Variants in FNDC3B observed in about 807,000 individuals in gnomAD.
FNDC3B encodes the protein fibronectin type III domain containing 3B.
In FNDC3B, 12 loss-of-function variants were observed where a neutral mutation model predicts 151.5. The ratio of observed to expected loss-of-function variants is 0.08; its 90% CI spans 0.05 to 0.13. The LOEUF (loss-of-function observed/expected upper bound fraction) is 0.13, where lower values mean the gene tolerates loss of function less well. FNDC3B is among the 10% of genes least tolerant of loss of function. FNDC3B has a pLI of 1.00. For missense variants in FNDC3B, 1,214 were observed against 1,505.3 expected, an observed-to-expected ratio of 0.81 and a Z score of 3.20; for synonymous variants, 528 against 549.0, an observed-to-expected ratio of 0.96 and a Z score of 0.54.
At chr3:172,145,302 A>C (rs186826228) in intron 3 of FNDC3B, among the ~76,000 whole-genome samples, 26 of 152,298 alleles carry the variant, frequency 1.7e-4, no homozygotes, top group Non-Finnish European at 3.2e-4. Flanking sequence ...AGTCTTTGGG[A>C]GTAAAAAAAA....
chr3:172,229,490 A>G lies in FNDC3B; in HGVS notation c.264+2543A>G, dbSNP rs528971373. Among the ~76,000 whole-genome samples the G allele has an allele frequency of 3.6e-4, 55 of 152,190 alleles. 1 individual carries two copies. The South Asian group carries it at 6.4e-3, about 18-fold the overall frequency. On this transcript the variant is annotated intron_variant, in intron 4 of 25. Transcript: ENST00000415807. ...CTCTAGAGCCTTTCATTGACAATTCACTTGTTCTTTTTGGTGCCCCTCCTC... is the reference window on the plus strand; with the variant it reads ...CTCTAGAGCCTTTCATTGACAATTCGCTTGTTCTTTTTGGTGCCCCTCCTC...
intron 25 of FNDC3B, among the ~76,000 whole-genome samples, chr3:172,391,140 CTT>C (rs1735988245): frequency 1.3e-5 from 2 of 152,276 alleles, no homozygotes; most frequent in South Asian, 4.1e-4. Context: ...TGCTAAGAGA[CTT>C]TAAGAAATTA....
intron 16 of FNDC3B, chr3:172,337,994 G>A (rs1733075847): frequency 6.6e-6 from 1 of 152,468 alleles, no homozygotes; most frequent in South Asian, 2.1e-4. Flanking sequence ...GATAAATTTG[G>A]TATTTTCATC....
intron 1 of FNDC3B, among the ~76,000 whole-genome samples, chr3:172,073,753 T>C (rs545611449): frequency 1.1e-4 from 16 of 152,304 alleles, no homozygotes; most frequent in African/African-American, 3.8e-4. Flanking sequence ...ATATGGTATA[T>C]TCTGTAGTTA....
At chr3:172,064,471 T>C (rs1027937468) in intron 1 of FNDC3B, among the ~76,000 whole-genome samples, 1 of 152,256 alleles carries the variant, frequency 6.6e-6, no homozygotes, top group Non-Finnish European at 1.5e-5. Context: ...TACTCATCTT[T>C]TATTCATCTG....
At chr3:172,155,977 A>T (rs6790787) in intron 3 of FNDC3B, among the ~76,000 whole-genome samples, 107,853 of 152,094 alleles carry the variant, frequency 0.71, 39,292 homozygotes, top group Non-Finnish European at 0.78. Context: ...TCCTCAACTT[A>T]TACTGGAAAA....
chr3:172,236,647 C>T (rs1727180457), intron 4 of FNDC3B, among the ~76,000 whole-genome samples: 1 of 152,068 alleles, frequency 6.6e-6, no homozygotes, highest in Non-Finnish European at 1.5e-5. Flanking sequence ...GAAGCTTAGC[C>T]CTCTAACCAG....
chr3:172,281,338 C>T (rs11707499), intron 6 of FNDC3B, among the ~76,000 whole-genome samples: 15,076 of 151,684 alleles, frequency 0.099, 848 homozygotes, highest in African/African-American at 0.15. Context: ...CTCCACATCC[C>T]GGGTTCAAGC....
intron 4 of FNDC3B, among the ~76,000 whole-genome samples, chr3:172,231,539 G>A (rs1489458224): frequency 1.3e-5 from 2 of 152,162 alleles, no homozygotes; most frequent in African/African-American, 4.8e-5. Context: ...TGGGAAAATG[G>A]CCCCACTTTG....
intron 6 of FNDC3B, among the ~76,000 whole-genome samples, chr3:172,281,348 C>T (rs879488366): frequency 1.3e-4 from 20 of 152,074 alleles, no homozygotes; most frequent in South Asian, 2.1e-4. Flanking sequence ...CGGGTTCAAG[C>T]GATCTCCTGC....
intron 9 of FNDC3B, among the ~76,000 whole-genome samples, chr3:172,304,338 T>C (rs1393962793): frequency 6.6e-6 from 1 of 152,220 alleles, no homozygotes. Flanking sequence ...GGTGGCTGTT[T>C]TTGGGAACAT....
intron 4 of FNDC3B, among the ~76,000 whole-genome samples, chr3:172,237,781 G>C (rs528680760): frequency 6.6e-6 from 1 of 152,308 alleles, no homozygotes; most frequent in African/African-American, 2.4e-5. Context: ...GGCAAGAACT[G>C]TTTGAGACAG....
Position 172,251,836 on chromosome 3 carries a change from ACT to A in FNDC3B, c.790+300_790+301del, listed in dbSNP as rs61491434. 8.9e-3 allele frequency among the ~76,000 whole-genome samples: 1,349 copies of A among 152,198 alleles called. 23 individuals carry two copies. Among genetic ancestry groups the A allele is most frequent in the African/African-American group, 0.03 (1,261 of 41,536 alleles). On this transcript the variant is annotated intron_variant, in intron 6 of 25. Transcript: ENST00000415807. ...CATGTTAGCCTACTTCTGTTGTTTC[ACT>A]CTCTGAATAGACAGATGTGGAAGAA...
At chr3:172,217,805 C>T (rs1445936769) in intron 3 of FNDC3B, among the ~76,000 whole-genome samples, 1 of 152,100 alleles carries the variant, frequency 6.6e-6, no homozygotes, top group African/African-American at 2.4e-5. Flanking sequence ...GCCCTTAAAA[C>T]AGCTAAGTAA....
In FNDC3B at chr3:172,244,617, C is replaced by CTTTTTTTTTTT. The variant is rs11294678; in HGVS notation, c.265-2901_265-2891dup. ...TACTATTTCAGAATTAATATTTCAC[C>CTTTTTTTTTTT]TTTTTTTTTTTTTTTTTTTTTTTTT... On this transcript the variant is annotated intron_variant, in intron 4 of 25. Transcript: ENST00000415807. 5.2e-4 allele frequency among the ~76,000 whole-genome samples: 38 copies of CTTTTTTTTTTT among 73,094 alleles called. 1 individual carries two copies. The highest frequency in any genetic ancestry group is 5.6e-4 in the African/African-American group (9 of 15,950). 48.0% of individuals were successfully genotyped at this position (73,094 alleles called of 152,430 possible).
At chr3:172,285,027 C>T (rs879375461) in intron 6 of FNDC3B, among the ~76,000 whole-genome samples, 12 of 152,010 alleles carry the variant, frequency 7.9e-5, no homozygotes, top group African/African-American at 1.5e-4. Flanking sequence ...CTTCCCCCCT[C>T]GTACTCTCTT....
intron 6 of FNDC3B, among the ~76,000 whole-genome samples, chr3:172,259,456 G>A (rs1369499717): frequency 2.6e-5 from 4 of 152,186 alleles, no homozygotes; most frequent in Non-Finnish European, 5.9e-5. Context: ...TGTGTGGGAT[G>A]GAGATAGTTC....
At chr3:172,207,264 A>G (rs1053228351) in intron 3 of FNDC3B, among the ~76,000 whole-genome samples, 1 of 152,172 alleles carries the variant, frequency 6.6e-6, no homozygotes, top group African/African-American at 2.4e-5. Context: ...TCTGTTGGGT[A>G]TTACTTTTGC....
intron 1 of FNDC3B, among the ~76,000 whole-genome samples, chr3:172,045,499 A>T (rs74478406): frequency 0.038 from 5,741 of 152,282 alleles, 253 homozygotes; most frequent in African/African-American, 0.098. Flanking sequence ...CTTGTATGTT[A>T]CCTTAGCCTA....
Sources: gnomAD v4.1 joint callset for allele counts (sites outside exome capture counted in the v4.1 genomes callset) on GRCh38, gnomAD v4.1.1 for gene constraint, MANE v1.5 for transcripts, NCBI Gene and HGNC (gene_info 2026-07-23, HGNC 2026-07-21) for gene names.